YAP1: variants seen among roughly 807,000 people sequenced by gnomAD.
YAP1 encodes Yes1 associated transcriptional regulator.
A neutral mutation model predicts 56.9 loss-of-function variants in YAP1; 5 were observed. The observed-to-expected ratio is 0.09, with a 90% CI of 0.05 to 0.18. The LOEUF (loss-of-function observed/expected upper bound fraction) is 0.18, where lower values mean the gene tolerates loss of function less well. YAP1 is among the 10% of genes least tolerant of loss of function. The probability of loss-of-function intolerance (pLI) is 1.00; values close to 1 mark genes in which losing one functional copy is unlikely to be tolerated. For missense variants in YAP1, 539 were observed against 651.8 expected, an observed-to-expected ratio of 0.83 and a Z score of 1.88; for synonymous variants, 265 against 248.1, an observed-to-expected ratio of 1.07 and a Z score of -0.64.
At chr11:102,133,096 T>A (rs61918362) in intron 2 of YAP1, among the ~76,000 whole-genome samples, 28,138 of 152,158 alleles carry the variant, frequency 0.18, 3,311 homozygotes, top group Non-Finnish European at 0.26. Context: ...AGTTAGAGGT[T>A]GCAGTGAGCC....
chr11:102,155,567 G>C (rs1406992527), intron 2 of YAP1, among the ~76,000 whole-genome samples: 1 of 152,204 alleles, frequency 6.6e-6, no homozygotes, highest in African/African-American at 2.4e-5. Flanking sequence ...GGAGTGGGTG[G>C]TGTCAGCAGT....
intron 4 of YAP1, among the ~76,000 whole-genome samples, chr11:102,200,548 G>T (rs1948799799): frequency 6.6e-6 from 1 of 151,368 alleles, no homozygotes; most frequent in African/African-American, 2.4e-5. Flanking sequence ...GTGTTCAAGT[G>T]ATTATCGTGC....
chr11:102,209,693 TTTCTACC>T, intron 6 of YAP1, 129 bp downstream of exon 6: 1 of 842,610 alleles, frequency 1.2e-6, no homozygotes, highest in South Asian at 2.3e-5. Flanking sequence ...TTGAGCCATC[TTTCTACC>T]AAGATACTCA....
Position 102,116,413 on chromosome 11 carries a change from C to A in YAP1, c.572+2019C>A, listed in dbSNP as rs143613080. Among the ~76,000 whole-genome samples, 50 of 152,204 alleles carry A rather than the reference C, an allele frequency of 3.3e-4. No homozygotes were observed. The East Asian group carries it at 9.3e-3, about 28-fold the overall frequency. On this transcript the variant is annotated intron_variant, in intron 2 of 8. Transcript: ENST00000282441. ...GGAGGTCCTGGAACCAATCCTTGAC[C>A]ACAGATGCTAAGGAATGACTATTCA...
At chr11:102,148,037 T>A (rs536439907) in intron 2 of YAP1, among the ~76,000 whole-genome samples, 1 of 152,330 alleles carries the variant, frequency 6.6e-6, no homozygotes, top group Admixed American at 6.5e-5. Flanking sequence ...TTTTCTAGCA[T>A]TGTGTTAGCT....
intron 6 of YAP1, among the ~76,000 whole-genome samples, chr11:102,219,054 AG>A (rs1354590119): frequency 1.1e-4 from 17 of 152,198 alleles, no homozygotes; most frequent in African/African-American, 3.9e-4. Flanking sequence ...TATGACTTAC[AG>A]TTTAGTGTTA....
rs1230044448 is a variant in YAP1, at chr11:102,144,880, A to ACTCATGCT, written c.573-17575_573-17574insTCATGCTC. Among the ~76,000 whole-genome samples the ACTCATGCT allele has an allele frequency of 1.5e-4, 5 of 33,008 alleles. No homozygotes were observed. In the East Asian group the frequency reaches 3.3e-3, roughly 22 times the overall value. The allele number at this position is 33,008 out of a possible 152,430, so 21.7% of individuals were successfully genotyped here. A position where few individuals can be genotyped will look rare whatever the true frequency, so the allele number is the denominator to read the frequency against. ...AACACACACACACACACACACACAT[A>ACTCATGCT]CACACACTCATGCTCACACACTCAT... On this transcript the variant is annotated intron_variant, in intron 2 of 8. Transcript: ENST00000282441.
chr11:102,110,722 A>T lies in YAP1; in HGVS notation c.-127A>T. Reference sequence around the variant, plus strand: ...CGCGGCGCAGCCCCCCGGCCCTGAGAGCGAGGACAGCGCCGCCCGGCCCGC... The same window carrying T: ...CGCGGCGCAGCCCCCCGGCCCTGAGTGCGAGGACAGCGCCGCCCGGCCCGC... On this transcript the variant is annotated 5_prime_UTR_variant, in exon 1 of 9. Transcript: ENST00000282441. The T allele has an allele frequency of 2.3e-6, 2 of 855,308 alleles. No homozygotes were observed. Among genetic ancestry groups the T allele is most frequent in the Non-Finnish European group, 3.0e-6 (2 of 663,210 alleles). The allele number at this position is 855,308 out of a possible 1,614,324, so 53.0% of individuals were successfully genotyped here.
intron 1 of YAP1, among the ~76,000 whole-genome samples, chr11:102,111,444 T>C (rs529360230): frequency 1.3e-5 from 2 of 150,692 alleles, no homozygotes; most frequent in Non-Finnish European, 3.0e-5. Context: ...CCCTCCTTCT[T>C]CCTTTCTTTC....
intron 2 of YAP1, 75 bp downstream of exon 2, chr11:102,114,469 G>A (rs1445078334): frequency 3.4e-6 from 5 of 1,491,290 alleles, no homozygotes; most frequent in Middle Eastern, 1.8e-4. Flanking sequence ...GTGGTGTCAA[G>A]ATACAGAATA....
At chr11:102,131,005 G>C (rs756140584) in intron 2 of YAP1, among the ~76,000 whole-genome samples, 2 of 152,132 alleles carry the variant, frequency 1.3e-5, no homozygotes, top group Non-Finnish European at 2.9e-5. Context: ...GATAAACCAT[G>C]CCCTCTTTGT....
chr11:102,173,707 G>A (rs376552123), intron 3 of YAP1, among the ~76,000 whole-genome samples: 1 of 152,160 alleles, frequency 6.6e-6, no homozygotes, highest in East Asian at 1.9e-4. Flanking sequence ...ATATTGGATC[G>A]ATCCAAGATT....
intron 6 of YAP1, among the ~76,000 whole-genome samples, chr11:102,219,451 G>A (rs1032674220): frequency 1.3e-5 from 2 of 152,100 alleles, no homozygotes; most frequent in South Asian, 2.1e-4. Context: ...CAAAAAGGTA[G>A]TGCCTTCACC....
At chr11:102,211,027 T>A (rs1197967921) in intron 6 of YAP1, among the ~76,000 whole-genome samples, 1 of 152,156 alleles carries the variant, frequency 6.6e-6, no homozygotes, top group Non-Finnish European at 1.5e-5. Context: ...ATTGCTGGGA[T>A]TACAGGCGTG....
At chr11:102,220,796 C>G (rs1949890086) in intron 6 of YAP1, among the ~76,000 whole-genome samples, 1 of 152,086 alleles carries the variant, frequency 6.6e-6, no homozygotes. Context: ...TTGGGTATGA[C>G]TGAGGGAATT....
At chr11:102,198,621 G>C (rs932712773) in intron 4 of YAP1, among the ~76,000 whole-genome samples, 1 of 152,070 alleles carries the variant, frequency 6.6e-6, no homozygotes, top group Non-Finnish European at 1.5e-5. Flanking sequence ...TTTTCTAGCA[G>C]GTTTTTGGTG....
intron 4 of YAP1, among the ~76,000 whole-genome samples, chr11:102,197,901 G>A (rs534861538): frequency 4.1e-4 from 63 of 152,182 alleles, no homozygotes; most frequent in African/African-American, 1.4e-3. Flanking sequence ...TGAGGTCTCT[G>A]CTGCACCCCA....
chr11:102,168,760 C>G (rs1035936045), intron 3 of YAP1, among the ~76,000 whole-genome samples: 1 of 152,120 alleles, frequency 6.6e-6, no homozygotes, highest in Non-Finnish European at 1.5e-5. Context: ...GTTCTCCTGC[C>G]TGCCTGTGTA....
chr11:102,112,849 T>C (rs1943045495), intron 1 of YAP1: 2 of 862,002 alleles, frequency 2.3e-6, no homozygotes, highest in African/African-American at 1.8e-5. Context: ...TTTCAAAGTA[T>C]AATACACATA....
Sources: gnomAD v4.1 joint callset for allele counts (sites outside exome capture counted in the v4.1 genomes callset) on GRCh38, gnomAD v4.1.1 for gene constraint, MANE v1.5 for transcripts, NCBI Gene and HGNC (gene_info 2026-07-23, HGNC 2026-07-21) for gene names.